SNX14: variants seen among roughly 807,000 people sequenced by gnomAD.
SNX14 encodes the protein sorting nexin 14, also known as sorting nexin-14.
In SNX14, 93 loss-of-function variants were observed where a neutral mutation model predicts 133.8. That is an observed-to-expected ratio of 0.70 (90% CI 0.59 to 0.83). The LOEUF (loss-of-function observed/expected upper bound fraction) is 0.83. SNX14 is among the 40% of genes least tolerant of loss of function. The probability of loss-of-function intolerance (pLI) is 0.00; values close to 1 mark genes in which losing one functional copy is unlikely to be tolerated. For synonymous variants in SNX14, 368 were observed against 365.6 expected, an observed-to-expected ratio of 1.01 and a Z score of -0.07; for missense variants, 945 against 1,094.9, an observed-to-expected ratio of 0.86 and a Z score of 1.93.
Position 85,547,508 on chromosome 6 carries a change from G to T in SNX14, c.910C>A (p.Pro304Thr). 3 of 1,604,144 alleles carry T rather than the reference G, an allele frequency of 1.9e-6. No homozygotes were observed. The highest frequency in any genetic ancestry group is 1.1e-5 in the South Asian group (1 of 88,302). Residue 304 changes from proline to threonine, a missense_variant and splice_region_variant, in exon 10 of 29, where the codon CCA becomes ACA. By Grantham distance (38) the Pro-to-Thr change is conservative. This residue lies in a region of SNX14 where 514 missense variants were observed against 538.8 expected (regional missense o/e 0.95). Transcript: ENST00000314673. ...TTTCTAATATATTCAATACTCACTGGACTGTCATCTATGAAGATGATAAGC... is the reference window on the plus strand; with the variant it reads ...TTTCTAATATATTCAATACTCACTGTACTGTCATCTATGAAGATGATAAGC... ...HLLIIFIDDS[P>T]PEKATEPASP...
rs1783928946 is a variant in SNX14, at chr6:85,542,063, AATT to A, written c.1390-23_1390-21del. 1 of 1,490,552 alleles carries A rather than the reference AATT, an allele frequency of 6.7e-7. No individual in the cohort carries two copies. The highest frequency in any genetic ancestry group is 9.1e-7 in the Non-Finnish European group (1 of 1,097,992). The allele number at this position is 1,490,552 out of a possible 1,614,324, so 92.3% of individuals were successfully genotyped here. ...GAAATACTTTAAAATAACAAATAAT[AATT>A]ATCATTTATTACACTTACAATTAAC... is the stretch of plus-strand genomic sequence containing the variant. On this transcript the variant is annotated intron_variant, in intron 14 of 28. Coordinates refer to ENST00000314673, the MANE Select transcript of SNX14 (RefSeq NM_153816.6).
chr6:85,514,496 T>C lies in SNX14; in HGVS notation c.2392+10A>G, dbSNP rs1774104925. The C allele has an allele frequency of 1.2e-6, 2 of 1,611,424 alleles. No individual in the cohort carries two copies. Among genetic ancestry groups the C allele is most frequent in the African/African-American group, 1.3e-5 (1 of 74,858 alleles). ...AATGAAAAACAAGTCTTAAACCACT[T>C]AGATCTTACCTACATACATCAGGTA... is the stretch of plus-strand genomic sequence containing the variant. On this transcript the variant is annotated intron_variant, in intron 24 of 28. Transcript: ENST00000314673.
intron 8 of SNX14, among the ~76,000 whole-genome samples, 198 bp downstream of exon 8, chr6:85,549,525 C>A (rs1011015885): frequency 6.6e-6 from 1 of 152,044 alleles, no homozygotes; most frequent in East Asian, 1.9e-4. Context: ...CTACACAACA[C>A]ACCACAAATA....
At chr6:85,508,231 G>A (rs1771428521) in intron 26 of SNX14, 172 bp from the exon 27 acceptor site, 1 of 1,270,372 alleles carries the variant, frequency 7.9e-7, no homozygotes. Context: ...AGGTTTCTAT[G>A]GTCAAGTTGA....
chr6:85,557,908 A>G, intron 7 of SNX14, 68 bp downstream of exon 7: 1 of 828,640 alleles, frequency 1.2e-6, no homozygotes, highest in Non-Finnish European at 2.1e-6. Flanking sequence ...ACTCATATTT[A>G]GATATTTCGG....
At chr6:85,547,261 T>C (rs763747153) in intron 11 of SNX14, 35 bp from the exon 12 acceptor site, 4 of 1,611,312 alleles carry the variant, frequency 2.5e-6, no homozygotes, top group African/African-American at 2.7e-5. Flanking sequence ...TTAAGCTATA[T>C]AAATGAGTTC....
chr6:85,558,413 T>C (rs1790448567), intron 6 of SNX14, among the ~76,000 whole-genome samples: 1 of 152,208 alleles, frequency 6.6e-6, no homozygotes, highest in Admixed American at 6.5e-5. Flanking sequence ...AAGAAATTAG[T>C]TGAAAATGAA....
chr6:85,551,234 G>T (rs1451221478), intron 7 of SNX14, among the ~76,000 whole-genome samples: 5 of 152,194 alleles, frequency 3.3e-5, no homozygotes, highest in Non-Finnish European at 7.3e-5. Flanking sequence ...AGCTCGTGAG[G>T]AAGCAGTTAT....
At position 85,557,444 on chromosome 6, in the gene SNX14, AG is replaced by A. The variant is rs2128134355; in HGVS notation, c.634+531del. On this transcript the variant is annotated intron_variant, in intron 7 of 28. Coordinates refer to ENST00000314673, the MANE Select transcript of SNX14 (RefSeq NM_153816.6). The stretch of plus-strand genomic sequence containing the variant: ...CTATGTGCAAATCATGACAGGAAAA[AG>A]GACAGAACATACATGAGAAGCAGCA... 3.9e-5 allele frequency among the ~76,000 whole-genome samples: 6 copies of A among 152,328 alleles called. 1 individual carries two copies. Among genetic ancestry groups the A allele is most frequent in the African/African-American group, 1.4e-4 (6 of 41,584 alleles).
At chr6:85,575,233 C>T (rs184254751) in intron 1 of SNX14, among the ~76,000 whole-genome samples, 215 of 152,284 alleles carry the variant, frequency 1.4e-3, no homozygotes, top group Non-Finnish European at 1.8e-3. Context: ...TTCTGATATG[C>T]AAAAATTTCA....
At chr6:85,591,991 C>T (rs1417141452) in intron 1 of SNX14, among the ~76,000 whole-genome samples, 2 of 152,046 alleles carry the variant, frequency 1.3e-5, no homozygotes, top group Non-Finnish European at 1.5e-5. Flanking sequence ...CCAGCCTGGG[C>T]AAGAGAGTGA....
At chr6:85,516,597 T>C (rs1775074465) in intron 23 of SNX14, among the ~76,000 whole-genome samples, 1 of 151,762 alleles carries the variant, frequency 6.6e-6, no homozygotes, top group Non-Finnish European at 1.5e-5. Flanking sequence ...ATAGGCTATA[T>C]TCTACCCATA....
chr6:85,543,311 T>C lies in SNX14; in HGVS notation c.1265-5A>G. 1 of 1,557,828 alleles carries C rather than the reference T, an allele frequency of 6.4e-7. No individual in the cohort carries two copies. The highest frequency in any genetic ancestry group is 2.2e-5 in the Admixed American group (1 of 45,944). The stretch of plus-strand genomic sequence containing the variant: ...CTATGTATGGGCCTTCAGCAACTAT[T>C]AAAAAAATTCTACTGTAGAAATTAT... On this transcript the variant is annotated splice_region_variant and splice_polypyrimidine_tract_variant and intron_variant, in intron 13 of 28. Transcript: ENST00000314673.
At chr6:85,554,540 G>T (rs1234597427) in intron 7 of SNX14, among the ~76,000 whole-genome samples, 2 of 152,002 alleles carry the variant, frequency 1.3e-5, no homozygotes, top group African/African-American at 4.8e-5. Context: ...TCAAAAATTT[G>T]AAAACTTTTT....
intron 21 of SNX14, among the ~76,000 whole-genome samples, chr6:85,524,520 G>A (rs771875050): frequency 3.3e-5 from 5 of 152,128 alleles, no homozygotes; most frequent in Admixed American, 6.6e-5. Flanking sequence ...GCTCACTCAC[G>A]CCTGTAATCT....
At chr6:85,514,009 A>C in intron 25 of SNX14, 61 bp downstream of exon 25, 1 of 1,566,850 alleles carries the variant, frequency 6.4e-7, no homozygotes, top group South Asian at 1.2e-5. Flanking sequence ...CTTCCTCTTT[A>C]GATTCAATTA....
chr6:85,573,689 C>A (rs1796392841), intron 2 of SNX14, among the ~76,000 whole-genome samples: 1 of 152,136 alleles, frequency 6.6e-6, no homozygotes, highest in Non-Finnish European at 1.5e-5. Context: ...ATCATTTAAC[C>A]CAGAACTTCC....
At chr6:85,542,352 T>G (rs1471450339) in intron 14 of SNX14, among the ~76,000 whole-genome samples, 1 of 152,172 alleles carries the variant, frequency 6.6e-6, no homozygotes. Flanking sequence ...ATAAACAGGT[T>G]TTGGTATTGA....
Position 85,514,495 on chromosome 6 carries a change from T to C in SNX14, c.2392+11A>G, listed in dbSNP as rs1285998150. ...GAATGAAAAACAAGTCTTAAACCAC[T>C]TAGATCTTACCTACATACATCAGGT... On this transcript the variant is annotated intron_variant, in intron 24 of 28. Transcript: ENST00000314673. 1.2e-6 allele frequency: 2 copies of C among 1,611,452 alleles called. No homozygotes were observed. The highest frequency in any genetic ancestry group is 2.2e-5 in the East Asian group (1 of 44,784).
Sources: gnomAD v4.1 joint callset for allele counts (sites outside exome capture counted in the v4.1 genomes callset) on GRCh38, gnomAD v4.1.1 for gene constraint, gnomAD v4.1.1 regional missense constraint, MANE v1.5 for transcripts, NCBI Gene and HGNC (gene_info 2026-07-23, HGNC 2026-07-21) for gene names.